GRIA1: variants seen among roughly 807,000 people sequenced by gnomAD.
GRIA1 encodes glutamate receptor 1.
A neutral mutation model predicts 99.2 loss-of-function variants in GRIA1; 31 were observed. That is an observed-to-expected ratio of 0.31 (90% CI 0.23 to 0.42). The LOEUF is 0.42. Among genes scored for constraint, GRIA1 ranks in the 10% least tolerant of loss-of-function variants. GRIA1 has a pLI of 1.00. For missense variants in GRIA1, 782 were observed against 1,157.5 expected, an observed-to-expected ratio of 0.68 and a Z score of 4.71; for synonymous variants, 438 against 432.4, an observed-to-expected ratio of 1.01 and a Z score of -0.16.
chr5:153,511,983 C>T (rs1394923257), intron 2 of GRIA1, among the ~76,000 whole-genome samples: 1 of 152,236 alleles, frequency 6.6e-6, no homozygotes, highest in African/African-American at 2.4e-5. Context: ...TGTTACACTG[C>T]TGTTACACAC....
intron 2 of GRIA1, among the ~76,000 whole-genome samples, chr5:153,582,342 A>G (rs72802643): frequency 0.1 from 15,282 of 152,270 alleles, 906 homozygotes; most frequent in South Asian, 0.25. Context: ...AATGGGGATC[A>G]GGGTGTCTTG....
intron 14 of GRIA1, among the ~76,000 whole-genome samples, chr5:153,798,505 G>A (rs1765788450): frequency 6.6e-6 from 1 of 152,208 alleles, no homozygotes; most frequent in Admixed American, 6.6e-5. Context: ...ATAGGATATA[G>A]AGAGAAGCAA....
chr5:153,785,760 T>C (rs552686663), intron 13 of GRIA1, among the ~76,000 whole-genome samples: 4 of 152,360 alleles, frequency 2.6e-5, no homozygotes, highest in Admixed American at 2.0e-4. Flanking sequence ...ATTTCCTCCA[T>C]GTTATTCCTG....
chr5:153,544,492 G>A (rs1055563138), intron 2 of GRIA1, among the ~76,000 whole-genome samples: 2 of 152,108 alleles, frequency 1.3e-5, no homozygotes, highest in African/African-American at 4.8e-5. Flanking sequence ...CTCCACCAGG[G>A]TCTATAATGA....
rs190762380 is a variant in GRIA1, at chr5:153,737,784, T to C, written c.1824-26650T>C. Among the ~76,000 whole-genome samples, 1,295 of 152,308 alleles carry C rather than the reference T, an allele frequency of 8.5e-3. 7 individuals carry two copies. Among genetic ancestry groups the C allele is most frequent in the South Asian group, 0.014 (67 of 4,826 alleles). On this transcript the variant is annotated intron_variant, in intron 11 of 15. Transcript: ENST00000285900. Reference sequence around the variant, plus strand: ...TTCCTTCTTGTGTTTTACATACAGATGGGGAAACAGGCTTGAAATGAAGTA... The same window carrying C: ...TTCCTTCTTGTGTTTTACATACAGACGGGGAAACAGGCTTGAAATGAAGTA...
intron 2 of GRIA1, among the ~76,000 whole-genome samples, chr5:153,632,967 A>G (rs1443926154): frequency 1.3e-5 from 2 of 152,184 alleles, no homozygotes; most frequent in East Asian, 3.9e-4. Context: ...GATGTGTAGA[A>G]GTTTTCCAGG....
intron 11 of GRIA1, among the ~76,000 whole-genome samples, chr5:153,735,502 A>G (rs1235684440): frequency 6.6e-6 from 1 of 152,188 alleles, no homozygotes; most frequent in Non-Finnish European, 1.5e-5. Flanking sequence ...CAATTAGGTC[A>G]GGGGTCGATC....
intron 6 of GRIA1, 67 bp downstream of exon 6, chr5:153,674,728 C>A: frequency 6.8e-7 from 1 of 1,468,472 alleles, no homozygotes; most frequent in Non-Finnish European, 9.4e-7. Context: ...GATTTCTGAG[C>A]TGCATTAGTC....
intron 2 of GRIA1, among the ~76,000 whole-genome samples, chr5:153,496,175 C>T (rs1195507873): frequency 6.6e-6 from 1 of 152,170 alleles, no homozygotes; most frequent in Non-Finnish European, 1.5e-5. Context: ...TCTCAGCAAC[C>T]TAAGACTTGA....
At chr5:153,577,451 T>TA (rs1762666022) in intron 2 of GRIA1, among the ~76,000 whole-genome samples, 1 of 152,200 alleles carries the variant, frequency 6.6e-6, no homozygotes, top group Non-Finnish European at 1.5e-5. Context: ...CCCTCACCCC[T>TA]ATGGCTGCTT....
chr5:153,742,329 A>G (rs146535906), intron 11 of GRIA1, among the ~76,000 whole-genome samples: 2 of 152,344 alleles, frequency 1.3e-5, no homozygotes, highest in African/African-American at 4.8e-5. Context: ...GAAGTAGCAT[A>G]GGTTACCACT....
intron 2 of GRIA1, among the ~76,000 whole-genome samples, chr5:153,590,400 T>G (rs903107713): frequency 2.0e-5 from 3 of 151,756 alleles, no homozygotes; most frequent in African/African-American, 7.3e-5. Context: ...TTCTAAGAGG[T>G]TTTTAGGGTT....
chr5:153,501,781 G>A (rs1026632755), intron 2 of GRIA1, among the ~76,000 whole-genome samples: 2 of 152,212 alleles, frequency 1.3e-5, no homozygotes, highest in African/African-American at 2.4e-5. Flanking sequence ...TTAGGGGTGC[G>A]TTGTCATGGT....
At chr5:153,807,612 G>T (rs1005170339) in intron 15 of GRIA1, among the ~76,000 whole-genome samples, 3 of 152,194 alleles carry the variant, frequency 2.0e-5, no homozygotes, top group African/African-American at 7.2e-5. Context: ...ACAGACTGAG[G>T]GAAAAGGGTG....
At position 153,705,928 on chromosome 5, in the gene GRIA1, C is replaced by A. The variant is rs1758859355; in HGVS notation, c.1684C>A (p.Pro562Thr). 1 of 1,613,878 alleles carries A rather than the reference C, an allele frequency of 6.2e-7. No individual in the cohort carries two copies. Among genetic ancestry groups the A allele is most frequent in the South Asian group, 1.1e-5 (1 of 91,062 alleles). The change falls in exon 11 of 16, where the codon CCC becomes ACC. Residue 562 changes from proline (P) to threonine (T), a missense_variant. This residue lies in a region of GRIA1 where 39 missense variants were observed against 43.5 expected (regional missense o/e 0.90). Transcript: ENST00000285900. ...VVLFLVSRFSPYEWHSEEFEE... is the reference protein window; with the variant it reads ...VVLFLVSRFSTYEWHSEEFEE... ...CCTCTTCCTGGTCAGCCGCTTCAGT[C>A]CCTATGAATGGCACAGTGAAGAGTT... is the stretch of plus-strand genomic sequence containing the variant.
intron 2 of GRIA1, among the ~76,000 whole-genome samples, chr5:153,609,365 G>A (rs1213733410): frequency 6.6e-6 from 1 of 151,824 alleles, no homozygotes; most frequent in East Asian, 1.9e-4. Context: ...AAATTACATA[G>A]TCTTTCATTA....
chr5:153,602,490 C>A (rs1292553868), intron 2 of GRIA1, among the ~76,000 whole-genome samples: 3 of 151,826 alleles, frequency 2.0e-5, no homozygotes, highest in African/African-American at 7.3e-5. Flanking sequence ...TGTAACTAAC[C>A]TGCACATTGT....
intron 2 of GRIA1, among the ~76,000 whole-genome samples, chr5:153,595,572 A>G (rs1380975036): frequency 6.6e-6 from 1 of 151,890 alleles, no homozygotes; most frequent in Non-Finnish European, 1.5e-5. Flanking sequence ...TCTTCTCACT[A>G]TTTATTTACA....
intron 11 of GRIA1, among the ~76,000 whole-genome samples, chr5:153,737,065 G>A (rs1014602602): frequency 2.0e-5 from 3 of 152,092 alleles, no homozygotes; most frequent in African/African-American, 7.2e-5. Context: ...GGGATGTATT[G>A]GGTTAGGCTG....
Sources: gnomAD v4.1 joint callset for allele counts (sites outside exome capture counted in the v4.1 genomes callset) on GRCh38, gnomAD v4.1.1 for gene constraint, gnomAD v4.1.1 regional missense constraint, MANE v1.5 for transcripts, NCBI Gene and HGNC (gene_info 2026-07-23, HGNC 2026-07-21) for gene names.